NUP107: variants seen among roughly 807,000 people sequenced by gnomAD.
NUP107 encodes the protein nucleoporin 107, also known as nuclear pore complex protein Nup107.
In NUP107, 101 loss-of-function variants were observed where a neutral mutation model predicts 141.0. That is an observed-to-expected ratio of 0.72 (90% CI 0.61 to 0.84). The LOEUF (loss-of-function observed/expected upper bound fraction) is 0.84, where lower values mean the gene tolerates loss of function less well. Among genes scored for constraint, NUP107 ranks in the 40% least tolerant of loss-of-function variants. The pLI, the probability that NUP107 is intolerant of heterozygous loss-of-function variation, is 0.00. For synonymous variants in NUP107, 319 were observed against 363.9 expected (o/e 0.88, Z 1.41); for missense variants, 941 against 1,102.7 (o/e 0.85, Z 2.08).
chr12:68,732,802 C>T (rs990333183), intron 23 of NUP107, 63 bp downstream of exon 23: 8 of 1,150,714 alleles, frequency 7.0e-6, no homozygotes, highest in Non-Finnish European at 8.9e-6. Context: ...ACCTCAGCCT[C>T]CCAAGTAGCT....
chr12:68,687,027 T>G lies in NUP107; in HGVS notation c.-39T>G. On this transcript the variant is annotated 5_prime_UTR_variant, in exon 1 of 28. Transcript: ENST00000229179. ...GAAGGCTAAAACGCGGTAGCTAAAC[T>G]GCAGCCAACTTTGGTTGTGTGTGGA... The G allele has an allele frequency of 6.2e-7, 1 of 1,614,098 alleles. No individual in the cohort carries two copies.
chr12:68,725,267 T>C (rs1877511494), intron 17 of NUP107, among the ~76,000 whole-genome samples: 1 of 152,050 alleles, frequency 6.6e-6, no homozygotes, highest in South Asian at 2.1e-4. Flanking sequence ...ACTCTGTACC[T>C]GATCACTATT....
chr12:68,724,514 C>T (rs375785859), intron 17 of NUP107, among the ~76,000 whole-genome samples: 2 of 152,118 alleles, frequency 1.3e-5, no homozygotes, highest in South Asian at 4.1e-4. Context: ...TGGTGGCTCA[C>T]ACCTCTAGTC....
chr12:68,713,659 G>C, intron 10 of NUP107, 71 bp from the exon 11 acceptor site: 2 of 1,058,780 alleles, frequency 1.9e-6, no homozygotes, highest in Non-Finnish European at 2.9e-6. Flanking sequence ...CCTTTGACTT[G>C]ATTTGATTTT....
At position 68,690,819 on chromosome 12, in the gene NUP107, C is replaced by T. The variant is rs1875747933; in HGVS notation, c.303+73C>T. 4 of 1,446,588 alleles carry T rather than the reference C, an allele frequency of 2.8e-6. No homozygotes were observed. In the East Asian group the frequency reaches 6.9e-5, roughly 25 times the overall value. The allele number at this position is 1,446,588 out of a possible 1,614,324, so 89.6% of individuals were successfully genotyped here. A position where few individuals can be genotyped will look rare whatever the true frequency, so the allele number is the denominator to read the frequency against. On this transcript the variant is annotated intron_variant, in intron 4 of 27. Coordinates refer to ENST00000229179, the MANE Select transcript of NUP107 (RefSeq NM_020401.4). ...GGCTCACATCTGTAATCTCAGCACT[C>T]CCTGAACTCCTGACCTCAAGTGATT...
In NUP107 at chr12:68,709,301, C is replaced by G. The variant is rs867744331; in HGVS notation, c.793C>G (p.Gln265Glu). 1 of 1,596,226 alleles carries G rather than the reference C, an allele frequency of 6.3e-7. No homozygotes were observed. The highest frequency in any genetic ancestry group is 8.5e-7 in the Non-Finnish European group (1 of 1,172,732). Reference sequence around the variant, plus strand: ...ATTTCAGAGGGATTCACTTGTTCGACAAAGTCAGGTATGACTAGAATTTAA... The same window carrying G: ...ATTTCAGAGGGATTCACTTGTTCGAGAAAGTCAGGTATGACTAGAATTTAA... ...ALFQRDSLVR[Q>E]SQLVVDWLES... The change falls in exon 9 of 28, where the codon CAA (glutamine) becomes GAA (glutamate). Residue 265 changes from glutamine to glutamate, a missense_variant. Gln to Glu is a conservative substitution (Grantham distance 29, BLOSUM62 2). Coordinates refer to ENST00000229179, the MANE Select transcript of NUP107 (RefSeq NM_020401.4).
At chr12:68,701,670 C>T (rs1876337038) in intron 7 of NUP107, among the ~76,000 whole-genome samples, 1 of 151,198 alleles carries the variant, frequency 6.6e-6, no homozygotes, top group Admixed American at 6.6e-5. Flanking sequence ...CAGAGTGAGA[C>T]TCCATCTCAA....
chr12:68,710,135 A>G (rs1408657164), intron 10 of NUP107, 42 bp downstream of exon 10: 4 of 969,880 alleles, frequency 4.1e-6, no homozygotes, highest in Non-Finnish European at 6.6e-6. Flanking sequence ...CTCAATGTTG[A>G]TATTGTTCAT....
chr12:68,741,378 T>A (rs1303020544), intron 26 of NUP107, among the ~76,000 whole-genome samples: 3 of 152,180 alleles, frequency 2.0e-5, no homozygotes, highest in African/African-American at 7.2e-5. Context: ...ATAAGCAAAG[T>A]AGTCTGCAAT....
At chr12:68,733,055 G>C (rs926349293) in intron 23 of NUP107, among the ~76,000 whole-genome samples, 1 of 151,632 alleles carries the variant, frequency 6.6e-6, no homozygotes, top group Non-Finnish European at 1.5e-5. Flanking sequence ...GTTGCTTTTT[G>C]TTTTTGATCC....
In NUP107 at chr12:68,710,023, G is replaced by A. The variant is rs377008894; in HGVS notation, c.820G>A (p.Glu274Lys). 8.8e-6 allele frequency: 14 copies of A among 1,593,578 alleles called. No individual in the cohort carries two copies. The African/African-American group carries it at 1.5e-4, about 17-fold the overall frequency. Residue 274 changes from glutamate to lysine, a missense_variant, in exon 10 of 28, where the codon GAG becomes AAG. By Grantham distance (56) the Glu-to-Lys change is moderately conservative. Coordinates refer to ENST00000229179, the MANE Select transcript of NUP107 (RefSeq NM_020401.4). ...TTCTTAGCTGGTGGTAGATTGGTTA[G>A]AGAGTATTGCCAAAGATGAAATTGG... is the stretch of plus-strand genomic sequence containing the variant. ...RQSQLVVDWLESIAKDEIGEF... is the reference protein window; with the variant it reads ...RQSQLVVDWLKSIAKDEIGEF...
chr12:68,705,031 T>C (rs569975609), intron 8 of NUP107, among the ~76,000 whole-genome samples: 1 of 152,084 alleles, frequency 6.6e-6, no homozygotes, highest in Admixed American at 6.6e-5. Flanking sequence ...TACAGGTGTG[T>C]ACCACCATGC....
intron 14 of NUP107, among the ~76,000 whole-genome samples, chr12:68,720,873 G>C (rs893195111): frequency 4.6e-5 from 7 of 152,070 alleles, no homozygotes; most frequent in Admixed American, 2.0e-4. Context: ...ACTAGAGTTG[G>C]ATCTGCTTTC....
Position 68,719,274 on chromosome 12 carries a change from A to G in NUP107, c.1084-67A>G, listed in dbSNP as rs1053530373. On this transcript the variant is annotated intron_variant, in intron 12 of 27. Transcript: ENST00000229179. ...TCCATAAGTTATCTAAGCTTGTCAT[A>G]TATTGGTTATACTTTACTATAAAGC... 28 of 1,077,696 alleles carry G rather than the reference A, an allele frequency of 2.6e-5. No homozygotes were observed. The African/African-American group carries it at 3.9e-4, about 15-fold the overall frequency. 66.8% of individuals were successfully genotyped at this position (1,077,696 alleles called of 1,614,324 possible).
rs763559933 is a variant in NUP107, at chr12:68,732,590, A to G, written c.1999-47A>G. 3.3e-6 allele frequency: 4 copies of G among 1,224,468 alleles called. No individual in the cohort carries two copies. In the South Asian group the frequency reaches 5.7e-5, roughly 18 times the overall value. 75.9% of individuals were successfully genotyped at this position (1,224,468 alleles called of 1,614,324 possible). A position where few individuals can be genotyped will look rare whatever the true frequency, so the allele number is the denominator to read the frequency against. ...ACTAATTTGTAGAATATCTTTAAAA[A>G]AAAAACTCTGATATTCCTTTTTCTT... On this transcript the variant is annotated intron_variant, in intron 22 of 27. Transcript: ENST00000229179.
chr12:68,736,603 C>T (rs2136050290), intron 26 of NUP107, among the ~76,000 whole-genome samples: 1 of 151,888 alleles, frequency 6.6e-6, no homozygotes, highest in East Asian at 1.9e-4. Context: ...TTGTTTTTGA[C>T]ACAGGATCTT....
chr12:68,725,394 T>G (rs748235590), intron 17 of NUP107, among the ~76,000 whole-genome samples: 42 of 152,214 alleles, frequency 2.8e-4, no homozygotes, highest in Non-Finnish European at 5.7e-4. Context: ...TCACATGAGT[T>G]CTTCCTTTCT....
intron 8 of NUP107, among the ~76,000 whole-genome samples, chr12:68,703,692 G>A (rs1348053552): frequency 6.6e-6 from 1 of 151,882 alleles, no homozygotes. Flanking sequence ...CTTGTGATCC[G>A]CCCACCTCAG....
In NUP107 at chr12:68,700,959, A is replaced by G; in HGVS notation, c.680+106A>G. On this transcript the variant is annotated intron_variant, in intron 7 of 27. Coordinates refer to ENST00000229179, the MANE Select transcript of NUP107 (RefSeq NM_020401.4). ...GTCGTGCTTGGAAATAGGTTTTGCT[A>G]TTTTTGATGCTTATCATTTCGAATA... 3.6e-6 allele frequency: 4 copies of G among 1,096,308 alleles called. No homozygotes were observed. The South Asian group carries it at 5.5e-5, about 15-fold the overall frequency. The allele number at this position is 1,096,308 out of a possible 1,614,324, so 67.9% of individuals were successfully genotyped here. A position where few individuals can be genotyped will look rare whatever the true frequency, so the allele number is the denominator to read the frequency against.
Sources: allele counts gnomAD v4.1 joint callset (sites outside exome capture counted in the v4.1 genomes callset), GRCh38; gene constraint gnomAD v4.1.1; transcripts MANE v1.5; gene names NCBI Gene and HGNC (gene_info 2026-07-23, HGNC 2026-07-21).